The following PHACTR2 variants were observed in gnomAD, a reference collection of about 807,000 sequenced individuals.
The protein encoded by PHACTR2 is chromosome 6 open reading frame 56.
PHACTR2 carries 30 observed loss-of-function variants against 76.0 expected under a neutral mutation model. The ratio of observed to expected loss-of-function variants is 0.39; its 90% CI spans 0.30 to 0.54. The LOEUF (loss-of-function observed/expected upper bound fraction) is 0.54, where lower values mean the gene tolerates loss of function less well. PHACTR2 is among the 20% of genes least tolerant of loss of function. The pLI is 0.61. For synonymous variants in PHACTR2, 292 were observed against 292.5 expected, an observed-to-expected ratio of 1.00 and a Z score of 0.02; for missense variants, 696 against 781.1, an observed-to-expected ratio of 0.89 and a Z score of 1.30.
rs1776906020 is a variant in PHACTR2 at position 143,659,301 on chromosome 6, T to G, written c.13+50979T>G. Among the ~76,000 whole-genome samples the G allele has an allele frequency of 6.6e-6, 1 of 152,232 alleles. No homozygotes were observed. The highest frequency in any genetic ancestry group is 2.1e-4 in the South Asian group (1 of 4,836). ...AACTTTAAAAATTTTTTAAACTTTT[T>G]TACTGTTTTGTAGCAACACGTAGCT... On this transcript the variant is annotated intron_variant, in intron 1 of 11. Coordinates refer to the PHACTR2 transcript ENST00000305766. This position sits in a 1 kb window ranked among gnomAD's most constrained non-coding sequence, Gnocchi z 5.0.
chr6:143,543,168 G>A lies in PHACTR2; in HGVS notation c.217+5961G>A, dbSNP rs1432943976. On this transcript the variant is annotated intron_variant, in intron 1 of 11. Transcript: ENST00000367584. The surrounding 1 kb of genome is among the most constrained non-coding windows in gnomAD (Gnocchi z 4.7). ...AAATAACATGATGATGATGATGACTGTTCTTGTTTTCAGAGGATGCATGAA... is the reference window on the plus strand; with the variant it reads ...AAATAACATGATGATGATGATGACTATTCTTGTTTTCAGAGGATGCATGAA... Among the ~76,000 whole-genome samples the A allele has an allele frequency of 6.6e-6, 1 of 152,224 alleles. No individual in the cohort carries two copies. The highest frequency in any genetic ancestry group is 1.5e-5 in the Non-Finnish European group (1 of 68,036).
Position 143,539,941 on chromosome 6 carries a change from G to A in PHACTR2, c.217+2734G>A, listed in dbSNP as rs983748626. On this transcript the variant is annotated intron_variant, in intron 1 of 11. Coordinates refer to the PHACTR2 transcript ENST00000367584. This position sits in a 1 kb window ranked among gnomAD's most constrained non-coding sequence, Gnocchi z 4.3. ...GGGATTCTGATTTCATTGGCATCAG[G>A]TGCATCCTGGCCATTAGATGACGCT... Among the ~76,000 whole-genome samples the A allele has an allele frequency of 1.3e-5, 2 of 152,158 alleles. No individual in the cohort carries two copies. The highest frequency in any genetic ancestry group is 2.9e-5 in the Non-Finnish European group (2 of 68,026).
intron 1 of PHACTR2, among the ~76,000 whole-genome samples, chr6:143,551,644 C>T (rs1024019282): frequency 4.6e-5 from 7 of 152,002 alleles, no homozygotes; most frequent in Admixed American, 1.3e-4. Context: ...TAGGGACCTC[C>T]TTCTAGGGAG....
rs1460565723 is a variant in PHACTR2, at chr6:143,678,642, T to TA, written c.46+434dup. On this transcript the variant is annotated intron_variant, in intron 1 of 12. Transcript: ENST00000440869. This position sits in a 1 kb window ranked among gnomAD's most constrained non-coding sequence, Gnocchi z 6.2. ...GCTTGTCAACTGATTTATGGTTTGT[T>TA]ATTCGGAGTAGAAGCGCTGATCGCC... 6.6e-6 allele frequency among the ~76,000 whole-genome samples: 1 copy of TA among 152,212 alleles called. No individual in the cohort carries two copies. The highest frequency in any genetic ancestry group is 1.5e-5 in the Non-Finnish European group (1 of 68,036).
intron 2 of PHACTR2, among the ~76,000 whole-genome samples, chr6:143,718,482 G>T (rs1778352614): frequency 6.6e-6 from 1 of 152,194 alleles, no homozygotes; most frequent in Non-Finnish European, 1.5e-5. Context: ...TCTCTAAAAG[G>T]TGTCTTCCTA....
intron 5 of PHACTR2, among the ~76,000 whole-genome samples, chr6:143,762,657 G>T (rs1170233355): frequency 6.6e-6 from 1 of 152,152 alleles, no homozygotes; most frequent in Non-Finnish European, 1.5e-5. Context: ...TTGTTCAAAT[G>T]CTACTCTTGA....
At position 143,782,441 on chromosome 6, in the gene PHACTR2, G is replaced by A. The variant is rs982688929; in HGVS notation, c.1646-778G>A. Among the ~76,000 whole-genome samples, 3 of 152,156 alleles carry A rather than the reference G, an allele frequency of 2.0e-5. No individual in the cohort carries two copies. Among genetic ancestry groups the A allele is most frequent in the African/African-American group, 7.2e-5 (3 of 41,412 alleles). On this transcript the variant is annotated intron_variant, in intron 9 of 12. Transcript: ENST00000440869. The surrounding 1 kb of genome is among the most constrained non-coding windows in gnomAD (Gnocchi z 4.6). ...CAGCTAAACGAAGCAACAGAGAGAT[G>A]TTCCTCAAGTAAGCAACAACCAGCA...
Position 143,822,586 on chromosome 6 carries a change from G to A in PHACTR2, c.1923-1088G>A, listed in dbSNP as rs1776444371. The stretch of plus-strand genomic sequence containing the variant: ...TTAAGGATAGTGTGAGCAACAGTGA[G>A]GAGCATAGATTTGATGGAGAGAGCC... On this transcript the variant is annotated intron_variant, in intron 12 of 12. Transcript: ENST00000440869. This position sits in a 1 kb window ranked among gnomAD's most constrained non-coding sequence, Gnocchi z 5.5. Among the ~76,000 whole-genome samples the A allele has an allele frequency of 6.6e-6, 1 of 152,204 alleles. No individual in the cohort carries two copies. The highest frequency in any genetic ancestry group is 1.5e-5 in the Non-Finnish European group (1 of 68,044).
chr6:143,772,266 C>A lies in PHACTR2; in HGVS notation c.1241C>A (p.Thr414Asn). The A allele has an allele frequency of 1.2e-6, 2 of 1,613,162 alleles. No homozygotes were observed. Among genetic ancestry groups the A allele is most frequent in the African/African-American group, 1.3e-5 (1 of 74,984 alleles). ...VNRENAKCFT[T>N]KEELGKTVPQ... ...TTTTCTGCCTTTAACAGTTTCACAA[C>A]CAAAGAGGAGCTGGGGAAGACAGTG... Residue 414 changes from threonine (T) to asparagine (N), a missense_variant, in exon 7 of 13, where the codon ACC becomes AAC. Physicochemically the swap from Thr to Asn is moderately conservative, Grantham distance 65 (BLOSUM62 0). Coordinates refer to ENST00000440869, the MANE Select transcript of PHACTR2 (RefSeq NM_001100164.2). The surrounding 1 kb of genome is among the most constrained non-coding windows in gnomAD (Gnocchi z 5.4).
Position 143,698,827 on chromosome 6 carries a change from C to G in PHACTR2, c.47-13189C>G, listed in dbSNP as rs772444092. 1.3e-5 allele frequency among the ~76,000 whole-genome samples: 2 copies of G among 152,218 alleles called. No individual in the cohort carries two copies. The highest frequency in any genetic ancestry group is 2.9e-5 in the Non-Finnish European group (2 of 68,048). On this transcript the variant is annotated intron_variant, in intron 1 of 12. Coordinates refer to ENST00000440869, the MANE Select transcript of PHACTR2 (RefSeq NM_001100164.2). The surrounding 1 kb of genome is among the most constrained non-coding windows in gnomAD (Gnocchi z 4.3). ...CTCAGTTAATTGTGCATGAATGTTTCCGTTCCACAGTGAACACACTTTTCT... is the reference window on the plus strand; with the variant it reads ...CTCAGTTAATTGTGCATGAATGTTTGCGTTCCACAGTGAACACACTTTTCT...
rs987743679 is a variant in PHACTR2, at chr6:143,678,854, C to T, written c.46+645C>T. 1.3e-5 allele frequency among the ~76,000 whole-genome samples: 2 copies of T among 151,582 alleles called. No individual in the cohort carries two copies. Among genetic ancestry groups the T allele is most frequent in the African/African-American group, 2.4e-5 (1 of 41,232 alleles). The stretch of plus-strand genomic sequence containing the variant: ...TGTGTAACGTGTCTGAGTTCTAATG[C>T]TCTGTTTTAAAAGTTTCTTTTTTCC... On this transcript the variant is annotated intron_variant, in intron 1 of 12. Transcript: ENST00000440869. The surrounding 1 kb of genome is among the most constrained non-coding windows in gnomAD (Gnocchi z 6.2).
rs1257662774 is a variant in PHACTR2, at chr6:143,738,242, T to A, written c.215-10743T>A. Among the ~76,000 whole-genome samples, 1 of 152,018 alleles carries A rather than the reference T, an allele frequency of 6.6e-6. No homozygotes were observed. Among genetic ancestry groups the A allele is most frequent in the African/African-American group, 2.4e-5 (1 of 41,348 alleles). The stretch of plus-strand genomic sequence containing the variant: ...GGGGGGCGCCTGTAATCCCAGCTAC[T>A]CAGGAGGCTGAGGCAGGAGAATCGC... On this transcript the variant is annotated intron_variant, in intron 2 of 12. Transcript: ENST00000440869. This position sits in a 1 kb window ranked among gnomAD's most constrained non-coding sequence, Gnocchi z 4.0.
chr6:143,814,926 G>A (rs888214472), intron 12 of PHACTR2, among the ~76,000 whole-genome samples: 2 of 152,042 alleles, frequency 1.3e-5, no homozygotes, highest in Non-Finnish European at 2.9e-5. Context: ...TTAAAGCAAT[G>A]ATCTCATTCT....
intron 2 of PHACTR2, among the ~76,000 whole-genome samples, chr6:143,741,993 T>A (rs1057452599): frequency 4.6e-5 from 7 of 151,774 alleles, no homozygotes; most frequent in African/African-American, 1.5e-4. Flanking sequence ...TAATCCCAGC[T>A]ACTTGGGAGG....
In PHACTR2 at chr6:143,618,618, G is replaced by C. The variant is rs1195028504; in HGVS notation, c.13+10296G>C. ...TGGCAGGGGAGGCTGGGGGGGGATAGGGGTTGAATGTTTCCCTAACTGCCC... is the reference window on the plus strand; with the variant it reads ...TGGCAGGGGAGGCTGGGGGGGGATACGGGTTGAATGTTTCCCTAACTGCCC... On this transcript the variant is annotated intron_variant, in intron 1 of 11. Transcript: ENST00000305766. This position sits in a 1 kb window ranked among gnomAD's most constrained non-coding sequence, Gnocchi z 5.2. Among the ~76,000 whole-genome samples the C allele has an allele frequency of 1.3e-5, 2 of 151,874 alleles. No individual in the cohort carries two copies. The highest frequency in any genetic ancestry group is 4.8e-5 in the African/African-American group (2 of 41,340).
rs1264701251 is a variant in PHACTR2 at position 143,754,682 on chromosome 6, C to T, written c.454+770C>T. ...ACATCTCGATACCACTGCTGTGATG[C>T]GTAGGAACCTCCAAACATGAAATGA... is the stretch of plus-strand genomic sequence containing the variant. On this transcript the variant is annotated intron_variant, in intron 4 of 12. Transcript: ENST00000440869. The surrounding 1 kb of genome is among the most constrained non-coding windows in gnomAD (Gnocchi z 6.2). Among the ~76,000 whole-genome samples, 1 of 152,168 alleles carries T rather than the reference C, an allele frequency of 6.6e-6. No homozygotes were observed.
rs537492644 is a variant in PHACTR2 at position 143,767,829 on chromosome 6, T to TTTTTGTTTTG, written c.1232+2046_1232+2055dup. Among the ~76,000 whole-genome samples the TTTTTGTTTTG allele has an allele frequency of 2.0e-5, 3 of 151,866 alleles. No individual in the cohort carries two copies. The highest frequency in any genetic ancestry group is 7.3e-5 in the African/African-American group (3 of 41,362). ...AACACTTTCACACTGAGGATGAAGG[T>TTTTTGTTTTG]TTTTGTTTTGTTTTGTTTTGTTTTT... On this transcript the variant is annotated intron_variant, in intron 6 of 12. Coordinates refer to ENST00000440869, the MANE Select transcript of PHACTR2 (RefSeq NM_001100164.2). The surrounding 1 kb of genome is among the most constrained non-coding windows in gnomAD (Gnocchi z 4.4).
At chr6:143,629,885 A>G (rs906427115) in intron 1 of PHACTR2, among the ~76,000 whole-genome samples, 5 of 152,150 alleles carry the variant, frequency 3.3e-5, no homozygotes, top group African/African-American at 1.2e-4. Context: ...ATTGCTGGGA[A>G]CAACCTGTAA....
At position 143,654,894 on chromosome 6, in the gene PHACTR2, A is replaced by G. The variant is rs1021605581; in HGVS notation, c.13+46572A>G. 3.9e-5 allele frequency among the ~76,000 whole-genome samples: 6 copies of G among 152,198 alleles called. No homozygotes were observed. The highest frequency in any genetic ancestry group is 9.7e-5 in the African/African-American group (4 of 41,440). ...TCATGCTAGCCGGGCACTGTGGCTC[A>G]CGCCTGTAATCCCAGCACTTTGGGA... On this transcript the variant is annotated intron_variant, in intron 1 of 11. Transcript: ENST00000305766. The surrounding 1 kb of genome is among the most constrained non-coding windows in gnomAD (Gnocchi z 4.6).
Sources: allele counts gnomAD v4.1 joint callset (sites outside exome capture counted in the v4.1 genomes callset), GRCh38; gene constraint gnomAD v4.1.1; non-coding constraint Gnocchi (gnomAD v3.1); transcripts MANE v1.5; gene names NCBI Gene and HGNC (gene_info 2026-07-23, HGNC 2026-07-21).